NELL1: variants seen among roughly 807,000 people sequenced by gnomAD.
NELL1 encodes the protein neural EGFL like 1.
NELL1 carries 76 observed loss-of-function variants against 107.4 expected under a neutral mutation model. The ratio of observed to expected loss-of-function variants is 0.71; its 90% CI spans 0.59 to 0.86. NELL1 has a LOEUF of 0.86. Ranked by LOEUF, NELL1 falls within the 40% of genes least tolerant of loss-of-function variation. The probability of loss-of-function intolerance (pLI) is 0.00; values close to 1 mark genes in which losing one functional copy is unlikely to be tolerated. For synonymous variants in NELL1, 353 were observed against 341.2 expected, an observed-to-expected ratio of 1.03 and a Z score of -0.38; for missense variants, 1,024 against 1,005.5, an observed-to-expected ratio of 1.02 and a Z score of -0.25.
Position 21,229,336 on chromosome 11 carries a change from C to T in NELL1, c.1431C>T (p.His477=), listed in dbSNP as rs770898878. 91 of 1,613,738 alleles carry T rather than the reference C, an allele frequency of 5.6e-5. No individual in the cohort carries two copies. In the Admixed American group the frequency reaches 1.2e-3, roughly 21 times the overall value. Reference sequence around the variant, plus strand: ...TTTCTCTCACCCTGGAAACAGAACACGATGAATGTGGCAGCGGCCAGCACA... The same window carrying T: ...TTTCTCTCACCCTGGAAACAGAACATGATGAATGTGGCAGCGGCCAGCACA... ...IRVDDFSCTE[H]DECGSGQHNC... The change falls in exon 14 of 20, where the codon CAC becomes CAT. Residue 477 remains histidine (H), a synonymous_variant. Transcript: ENST00000357134.
chr11:21,157,235 T>G lies in NELL1; in HGVS notation c.1426+43521T>G, dbSNP rs1856263341. Among the ~76,000 whole-genome samples the G allele has an allele frequency of 1.3e-5, 2 of 152,042 alleles. 1 individual carries two copies. Among genetic ancestry groups the G allele is most frequent in the South Asian group, 4.1e-4 (2 of 4,828 alleles). On this transcript the variant is annotated intron_variant, in intron 13 of 19. Coordinates refer to ENST00000357134, the MANE Select transcript of NELL1 (RefSeq NM_006157.5). ...TAAAGAAATGAAACATCCCCATGTATTTTTAAATATTTGCCTTAGAATGAT... is the reference window on the plus strand; with the variant it reads ...TAAAGAAATGAAACATCCCCATGTAGTTTTAAATATTTGCCTTAGAATGAT...
At chr11:21,479,209 AT>A (rs1854426904) in intron 15 of NELL1, among the ~76,000 whole-genome samples, 1 of 145,470 alleles carries the variant, frequency 6.9e-6, no homozygotes. Context: ...AAGGAAGGAA[AT>A]CTGTCCATCA....
intron 14 of NELL1, among the ~76,000 whole-genome samples, chr11:21,341,838 T>A (rs1465626303): frequency 1.3e-5 from 2 of 152,366 alleles, no homozygotes; most frequent in East Asian, 3.9e-4. Flanking sequence ...AAGAAATCTT[T>A]ATATGTAATA....
At chr11:21,540,064 AT>A (rs1856253151) in intron 16 of NELL1, among the ~76,000 whole-genome samples, 1 of 151,912 alleles carries the variant, frequency 6.6e-6, no homozygotes, top group Admixed American at 6.6e-5. Context: ...AATTCATAAT[AT>A]TTTTGCATAT....
At position 21,534,497 on chromosome 11, in the gene NELL1, C is replaced by A. The variant is rs201383673; in HGVS notation, c.1769C>A (p.Ser590Tyr). The change falls in exon 16 of 20, where the codon TCC (serine) becomes TAC (tyrosine). Residue 590 changes from serine (S) to tyrosine (Y), a missense_variant. Transcript: ENST00000357134. ...GFHDDGTYSLSGESCIDIDEC... is the reference protein window; with the variant it reads ...GFHDDGTYSLYGESCIDIDEC... ...CATGACGATGGGACCTATTCACTGT[C>A]CGGGGAGTCCTGTATTGGTAAGCAG... The A allele has an allele frequency of 6.2e-7, 1 of 1,613,734 alleles. No homozygotes were observed. Among genetic ancestry groups the A allele is most frequent in the East Asian group, 2.2e-5 (1 of 44,836 alleles).
intron 13 of NELL1, among the ~76,000 whole-genome samples, chr11:21,216,147 C>T (rs1857607935): frequency 6.6e-6 from 1 of 152,164 alleles, no homozygotes; most frequent in Non-Finnish European, 1.5e-5. Context: ...GTGCAAGCCC[C>T]TAAATTTGAC....
At chr11:21,012,185 T>C (rs1852461932) in intron 12 of NELL1, among the ~76,000 whole-genome samples, 1 of 152,136 alleles carries the variant, frequency 6.6e-6, no homozygotes, top group Non-Finnish European at 1.5e-5. Context: ...AGGAGAGTGC[T>C]CTGCTCCATC....
chr11:21,488,566 C>T (rs1410918473), intron 15 of NELL1, among the ~76,000 whole-genome samples: 1 of 152,010 alleles, frequency 6.6e-6, no homozygotes, highest in African/African-American at 2.4e-5. Context: ...GGCCAGTCTT[C>T]GGGTCCCTGT....
intron 12 of NELL1, among the ~76,000 whole-genome samples, chr11:21,070,232 G>A (rs1482850295): frequency 6.6e-6 from 1 of 152,052 alleles, no homozygotes; most frequent in East Asian, 1.9e-4. Context: ...GCAGCTGGAT[G>A]TACACTAGTA....
At chr11:21,356,061 A>G (rs1030073246) in intron 14 of NELL1, among the ~76,000 whole-genome samples, 1 of 151,772 alleles carries the variant, frequency 6.6e-6, no homozygotes, top group African/African-American at 2.4e-5. Flanking sequence ...TTTAATTGCA[A>G]CCTTCCCCAC....
At chr11:21,516,676 ATATAT>A (rs139191750) in intron 15 of NELL1, among the ~76,000 whole-genome samples, 17,455 of 152,028 alleles carry the variant, frequency 0.11, 1,091 homozygotes, top group African/African-American at 0.16. Flanking sequence ...TACAGTAAAA[ATATAT>A]TATACTCTTA....
At chr11:20,739,798 A>T (rs1855846670) in intron 2 of NELL1, among the ~76,000 whole-genome samples, 1 of 152,190 alleles carries the variant, frequency 6.6e-6, no homozygotes, top group Admixed American at 6.6e-5. Flanking sequence ...TGTAGGGGGT[A>T]GCATGAGAAA....
intron 4 of NELL1, among the ~76,000 whole-genome samples, chr11:20,882,326 A>G (rs1439003229): frequency 6.6e-6 from 1 of 152,208 alleles, no homozygotes; most frequent in African/African-American, 2.4e-5. Context: ...TTCTGTGCGT[A>G]TCCTTAGCTA....
rs562910798 is a variant in NELL1 at position 21,272,605 on chromosome 11, C to G, written c.1549+43151C>G. Reference sequence around the variant, plus strand: ...CATCTGAGAATGGACAGACTGCCTCCTCAAGTGGGTCTCTGACACCCGAGT... The same window carrying G: ...CATCTGAGAATGGACAGACTGCCTCGTCAAGTGGGTCTCTGACACCCGAGT... On this transcript the variant is annotated intron_variant, in intron 14 of 19. Coordinates refer to ENST00000357134, the MANE Select transcript of NELL1 (RefSeq NM_006157.5). Among the ~76,000 whole-genome samples the G allele has an allele frequency of 2.0e-5, 3 of 152,222 alleles. 1 individual carries two copies. The South Asian group carries it at 6.2e-4, about 31-fold the overall frequency.
intron 4 of NELL1, among the ~76,000 whole-genome samples, chr11:20,850,496 G>A (rs1398037976): frequency 6.6e-6 from 1 of 152,172 alleles, no homozygotes; most frequent in African/African-American, 2.4e-5. Flanking sequence ...TTTTTAAGAT[G>A]AGGAAACTGA....
At chr11:21,066,682 G>A (rs1165415274) in intron 12 of NELL1, among the ~76,000 whole-genome samples, 1 of 152,094 alleles carries the variant, frequency 6.6e-6, no homozygotes. Flanking sequence ...CAGTGTGGTG[G>A]CTCATGACTG....
At chr11:21,334,623 C>A (rs1408039391) in intron 14 of NELL1, among the ~76,000 whole-genome samples, 1 of 151,890 alleles carries the variant, frequency 6.6e-6, no homozygotes, top group African/African-American at 2.4e-5. Flanking sequence ...TTGTAGAATT[C>A]AAAAATATGT....
chr11:21,502,895 T>C (rs946001145), intron 15 of NELL1, among the ~76,000 whole-genome samples: 2 of 152,186 alleles, frequency 1.3e-5, no homozygotes, highest in Admixed American at 1.3e-4. Context: ...TGTATTTACT[T>C]TTTTGAGATG....
intron 3 of NELL1, among the ~76,000 whole-genome samples, chr11:20,841,320 T>G (rs949536554): frequency 1.7e-5 from 2 of 120,414 alleles, no homozygotes; most frequent in African/African-American, 5.9e-5. Context: ...TCTGCTCATG[T>G]TTTTTTTTTT....
Sources: gnomAD v4.1 joint callset for allele counts (sites outside exome capture counted in the v4.1 genomes callset) on GRCh38, gnomAD v4.1.1 for gene constraint, MANE v1.5 for transcripts, NCBI Gene and HGNC (gene_info 2026-07-23, HGNC 2026-07-21) for gene names.